ENO4: variants seen among roughly 807,000 people sequenced by gnomAD.
ENO4 encodes enolase 4.
ENO4 carries 53 observed loss-of-function variants against 63.2 expected under a neutral mutation model. The ratio of observed to expected loss-of-function variants is 0.84; its 90% CI spans 0.67 to 1.05. ENO4 has a LOEUF of 1.05. ENO4 is among the 50% of genes least tolerant of loss of function. ENO4 has a pLI of 0.00. For missense variants in ENO4, 719 were observed against 772.0 expected (o/e 0.93, Z 0.81); for synonymous variants, 266 against 283.8 (o/e 0.94, Z 0.63).
intron 10 of ENO4, among the ~76,000 whole-genome samples, chr10:116,889,071 A>G (rs1303260964): frequency 1.3e-5 from 2 of 152,212 alleles, no homozygotes; most frequent in African/African-American, 4.8e-5. Flanking sequence ...CTAGGTGAGC[A>G]ACTTCCATCA....
At chr10:116,897,184 G>GT (rs1847553689) in intron 10 of ENO4, among the ~76,000 whole-genome samples, 1 of 152,172 alleles carries the variant, frequency 6.6e-6, no homozygotes, top group Admixed American at 6.5e-5. Context: ...GCTGCAATGG[G>GT]TATGTTGGCC....
intron 4 of ENO4, among the ~76,000 whole-genome samples, chr10:116,859,385 T>C (rs1361505399): frequency 6.6e-6 from 1 of 152,188 alleles, no homozygotes; most frequent in Non-Finnish European, 1.5e-5. Context: ...TAAGGTGCAT[T>C]GAGCGGTGCC....
chr10:116,891,673 T>C (rs1383354360), intron 10 of ENO4, among the ~76,000 whole-genome samples: 1 of 152,118 alleles, frequency 6.6e-6, no homozygotes, highest in African/African-American at 2.4e-5. Context: ...ACAGCAGAGG[T>C]AGTTTTGATT....
intron 8 of ENO4, 38 bp downstream of exon 8, chr10:116,868,744 ACTGT>A: frequency 6.6e-7 from 1 of 1,516,400 alleles, no homozygotes; most frequent in Non-Finnish European, 9.0e-7. Flanking sequence ...TCCATATGAC[ACTGT>A]CTATAAATTT....
intron 9 of ENO4, among the ~76,000 whole-genome samples, chr10:116,873,433 C>A (rs1355034663): frequency 6.6e-6 from 1 of 152,148 alleles, no homozygotes; most frequent in East Asian, 1.9e-4. Flanking sequence ...ATTCTAGATC[C>A]TTCAGCCCTG....
At chr10:116,893,271 G>C (rs1206723338) in intron 10 of ENO4, among the ~76,000 whole-genome samples, 1 of 152,148 alleles carries the variant, frequency 6.6e-6, no homozygotes, top group African/African-American at 2.4e-5. Flanking sequence ...TCAACTTCCA[G>C]AACATCCAGT....
downstream of ENO4, among the ~76,000 whole-genome samples, chr10:116,886,847 TCTCTTCTCAGGAAGCGTAAAGCTCATG>T: frequency 6.6e-6 from 1 of 152,272 alleles, no homozygotes; most frequent in East Asian, 1.9e-4. Flanking sequence ...TTAATTGCAT[TCTCTTCTCAGGAAGCGTAAAGCTCATG>T]GACAAACTGT....
chr10:116,854,591 C>A (rs1177169141), intron 1 of ENO4, among the ~76,000 whole-genome samples: 1 of 148,258 alleles, frequency 6.7e-6, no homozygotes, highest in African/African-American at 2.5e-5. Flanking sequence ...CAGCCCATGT[C>A]AGGTTTCTGA....
intron 10 of ENO4, among the ~76,000 whole-genome samples, chr10:116,904,664 C>T (rs1369164952): frequency 6.6e-6 from 1 of 152,042 alleles, no homozygotes; most frequent in East Asian, 1.9e-4. Context: ...GTGAAAAATT[C>T]CCACCATGTT....
rs527467287 is a variant in ENO4 at position 116,896,550 on chromosome 10, C to G, written c.1195-14949C>G. ...AAAATACATACATCTGCAATGGTGG[C>G]GAACTGATAGCTATGTCCAAAAATT... On this transcript the variant is annotated intron_variant, in intron 10 of 10. Coordinates refer to the ENO4 transcript ENST00000369207. Among the ~76,000 whole-genome samples the G allele has an allele frequency of 2.0e-5, 3 of 152,118 alleles. No homozygotes were observed. In the South Asian group the frequency reaches 6.2e-4, roughly 32 times the overall value.
intron 10 of ENO4, among the ~76,000 whole-genome samples, chr10:116,910,447 A>G (rs1848146952): frequency 6.6e-6 from 1 of 152,200 alleles, no homozygotes; most frequent in Non-Finnish European, 1.5e-5. Context: ...GTGGCACAAA[A>G]TTATGGTGAA....
intron 10 of ENO4, among the ~76,000 whole-genome samples, chr10:116,897,568 G>T (rs1847567448): frequency 6.6e-6 from 1 of 152,174 alleles, no homozygotes; most frequent in Admixed American, 6.5e-5. Flanking sequence ...TAGTATCTTA[G>T]CTTTGGTCCT....
At chr10:116,896,367 T>C (rs145624667) in intron 10 of ENO4, among the ~76,000 whole-genome samples, 116 of 152,168 alleles carry the variant, frequency 7.6e-4, no homozygotes, top group Non-Finnish European at 4.9e-4. Flanking sequence ...AGCTACTCAT[T>C]ACTCAACATC....
At chr10:116,909,993 T>C (rs1167301891) in intron 10 of ENO4, among the ~76,000 whole-genome samples, 1 of 152,180 alleles carries the variant, frequency 6.6e-6, no homozygotes, top group African/African-American at 2.4e-5. Context: ...GTTGGGACCA[T>C]GTGCTTTACA....
intron 9 of ENO4, among the ~76,000 whole-genome samples, chr10:116,873,296 A>C (rs1331659805): frequency 6.6e-6 from 1 of 152,192 alleles, no homozygotes; most frequent in African/African-American, 2.4e-5. Context: ...TAGCAGCAGC[A>C]GGAAGGCATT....
chr10:116,875,581 A>ACACACACACACG (rs1035879207), intron 10 of ENO4, among the ~76,000 whole-genome samples: 1 of 151,830 alleles, frequency 6.6e-6, no homozygotes, highest in Non-Finnish European at 1.5e-5. Flanking sequence ...ACACACACAC[A>ACACACACACACG]CACACATGCA....
chr10:116,873,196 C>T (rs1049654185), intron 9 of ENO4, among the ~76,000 whole-genome samples: 6 of 152,130 alleles, frequency 3.9e-5, no homozygotes, highest in Non-Finnish European at 8.8e-5. Flanking sequence ...GTTAAAAGTT[C>T]TTGCTGCTTT....
intron 9 of ENO4, among the ~76,000 whole-genome samples, chr10:116,871,642 G>A (rs1846697735): frequency 3.3e-5 from 5 of 152,204 alleles, no homozygotes; most frequent in Admixed American, 1.3e-4. Flanking sequence ...CTAAAAAGTA[G>A]ATGAGTTGTA....
chr10:116,850,126 A>G, intron 1 of ENO4: 1 of 300,096 alleles, frequency 3.3e-6, no homozygotes, highest in South Asian at 3.0e-5. Flanking sequence ...GACCTTAAGC[A>G]GCTCCTCTTT....
Sources: gnomAD v4.1 joint callset for allele counts (sites outside exome capture counted in the v4.1 genomes callset) on GRCh38, gnomAD v4.1.1 for gene constraint, MANE v1.5 for transcripts, NCBI Gene and HGNC (gene_info 2026-07-23, HGNC 2026-07-21) for gene names.